The following PTPRD variants were observed in gnomAD, a reference collection of about 807,000 sequenced individuals.
PTPRD encodes protein tyrosine phosphatase receptor type D.
A neutral mutation model predicts 214.5 loss-of-function variants in PTPRD; 34 were observed. The observed-to-expected ratio is 0.16, with a 90% CI of 0.12 to 0.21. The LOEUF is 0.21. PTPRD is among the 10% of genes least tolerant of loss of function. The pLI, the probability that PTPRD is intolerant of heterozygous loss-of-function variation, is 1.00. For missense variants in PTPRD, 2,545 were observed against 2,398.7 expected (o/e 1.06, Z -1.27); for synonymous variants, 1,128 against 845.7 (o/e 1.33, Z -5.79).
chr9:10,057,893 G>C (rs1567378928), intron 3 of PTPRD, among the ~76,000 whole-genome samples: 1 of 151,742 alleles, frequency 6.6e-6, no homozygotes, highest in Non-Finnish European at 1.5e-5. Context: ...AATAATTCAG[G>C]ACTTGAAGAA....
intron 4 of PTPRD, among the ~76,000 whole-genome samples, chr9:9,956,649 T>G (rs1223682466): frequency 6.6e-6 from 1 of 152,066 alleles, no homozygotes; most frequent in African/African-American, 2.4e-5. Context: ...ATAATTAAGG[T>G]AGGACATATG....
chr9:8,441,131 C>T (rs779035772), intron 34 of PTPRD, among the ~76,000 whole-genome samples: 20 of 152,132 alleles, frequency 1.3e-4, no homozygotes, highest in African/African-American at 2.2e-4. Context: ...ACAGAAAATA[C>T]GCTCATTCCC....
At chr9:9,552,179 T>C (rs1466562711) in intron 8 of PTPRD, among the ~76,000 whole-genome samples, 8 of 152,006 alleles carry the variant, frequency 5.3e-5, no homozygotes, top group Non-Finnish European at 1.2e-4. Flanking sequence ...AGAGGTAAAT[T>C]GATTTACCCA....
At chr9:10,460,230 T>C (rs528867911) in intron 2 of PTPRD, among the ~76,000 whole-genome samples, 1 of 151,944 alleles carries the variant, frequency 6.6e-6, no homozygotes, top group East Asian at 1.9e-4. Context: ...AAAAATTAAA[T>C]AGGACACAAA....
intron 12 of PTPRD, among the ~76,000 whole-genome samples, chr9:8,709,442 G>A (rs146573951): frequency 0.028 from 4,172 of 149,330 alleles, 94 homozygotes; most frequent in Middle Eastern, 0.095. Flanking sequence ...ATGAACCCAG[G>A]AGGCAGAGCT....
At chr9:8,473,968 T>A (rs1396060480) in intron 30 of PTPRD, among the ~76,000 whole-genome samples, 1 of 152,236 alleles carries the variant, frequency 6.6e-6, no homozygotes, top group Non-Finnish European at 1.5e-5. Flanking sequence ...ACATTTCAAC[T>A]GTGCTCTCTG....
intron 3 of PTPRD, among the ~76,000 whole-genome samples, chr9:10,172,851 C>A (rs1375942492): frequency 6.6e-6 from 1 of 152,140 alleles, no homozygotes; most frequent in Non-Finnish European, 1.5e-5. Context: ...TATATGGAAT[C>A]AAAGATAAAC....
intron 3 of PTPRD, among the ~76,000 whole-genome samples, chr9:10,093,545 C>T (rs761208212): frequency 4.0e-5 from 6 of 151,378 alleles, no homozygotes; most frequent in Non-Finnish European, 7.4e-5. Flanking sequence ...TTGGAGATTT[C>T]GCAAAGAACT....
chr9:8,449,869 A>T (rs1361774624), intron 33 of PTPRD, 32 bp from the exon 34 acceptor site: 11 of 1,598,880 alleles, frequency 6.9e-6, no homozygotes, highest in Non-Finnish European at 9.4e-6. Context: ...TTAAGAAGAA[A>T]AGAAAAATCA....
intron 10 of PTPRD, among the ~76,000 whole-genome samples, chr9:9,090,070 C>T (rs2099773372): frequency 6.6e-6 from 1 of 152,116 alleles, no homozygotes; most frequent in African/African-American, 2.4e-5. Flanking sequence ...GCATTGGGAA[C>T]ATTTTAAATA....
Position 8,841,845 on chromosome 9 carries a change from T to C in PTPRD, c.-103-107899A>G, listed in dbSNP as rs563798131. ...TGGCCAACATGGTGAACCCCATCTCTACTAAAAATACAAAAATTAGCCAGG... is the reference window on the plus strand; with the variant it reads ...TGGCCAACATGGTGAACCCCATCTCCACTAAAAATACAAAAATTAGCCAGG... On this transcript the variant is annotated intron_variant, in intron 11 of 45. Transcript: ENST00000381196. Among the ~76,000 whole-genome samples the C allele has an allele frequency of 1.1e-4, 17 of 152,038 alleles. No individual in the cohort carries two copies. The East Asian group carries it at 2.9e-3, about 26-fold the overall frequency.
chr9:10,078,348 CA>C (rs35499698), intron 3 of PTPRD, among the ~76,000 whole-genome samples: 7,399 of 119,848 alleles, frequency 0.062, 234 homozygotes, highest in Middle Eastern at 0.1. Flanking sequence ...CCATCTCTTC[CA>C]AAAAAAAAAA....
At chr9:10,333,446 C>T (rs1319844675) in intron 3 of PTPRD, among the ~76,000 whole-genome samples, 15 of 151,746 alleles carry the variant, frequency 9.9e-5, no homozygotes, top group Admixed American at 7.9e-4. Flanking sequence ...ACAATTTCAG[C>T]GATTTAATGA....
At chr9:10,428,037 C>T (rs896854233) in intron 2 of PTPRD, among the ~76,000 whole-genome samples, 12 of 151,900 alleles carry the variant, frequency 7.9e-5, no homozygotes, top group African/African-American at 1.2e-4. Flanking sequence ...TGTTCCTGGA[C>T]GGGCACGGTG....
At chr9:9,331,893 G>A (rs1449561797) in intron 9 of PTPRD, among the ~76,000 whole-genome samples, 1 of 152,102 alleles carries the variant, frequency 6.6e-6, no homozygotes, top group East Asian at 1.9e-4. Context: ...GCCCAACATA[G>A]CAAATTCTGG....
At chr9:9,382,638 AAGAG>A (rs1344533738) in intron 9 of PTPRD, among the ~76,000 whole-genome samples, 1 of 151,908 alleles carries the variant, frequency 6.6e-6, no homozygotes, top group South Asian at 2.1e-4. Context: ...TTTATTGAGA[AAGAG>A]AGAGAGAGAA....
chr9:10,590,636 A>G (rs2075200499), intron 2 of PTPRD, among the ~76,000 whole-genome samples: 1 of 151,968 alleles, frequency 6.6e-6, no homozygotes, highest in Non-Finnish European at 1.5e-5. Context: ...TCTTGAGTGT[A>G]TCAGTAGTTC....
At chr9:9,843,042 A>G (rs1257724480) in intron 5 of PTPRD, among the ~76,000 whole-genome samples, 6 of 152,152 alleles carry the variant, frequency 3.9e-5, no homozygotes, top group Admixed American at 1.3e-4. Flanking sequence ...ACTTGTGTTC[A>G]TAAATAAGGT....
At chr9:9,357,290 C>G (rs573342135) in intron 9 of PTPRD, among the ~76,000 whole-genome samples, 1 of 151,456 alleles carries the variant, frequency 6.6e-6, no homozygotes, top group South Asian at 2.1e-4. Context: ...GTCAAATATT[C>G]TTCTTCTGTT....
Sources: gnomAD v4.1 joint callset for allele counts (sites outside exome capture counted in the v4.1 genomes callset) on GRCh38, gnomAD v4.1.1 for gene constraint, MANE v1.5 for transcripts, NCBI Gene and HGNC (gene_info 2026-07-23, HGNC 2026-07-21) for gene names.